PRKD3: variants seen among roughly 807,000 people sequenced by gnomAD.
PRKD3 encodes serine/threonine-protein kinase D3.
PRKD3 carries 47 observed loss-of-function variants against 99.2 expected under a neutral mutation model. The observed-to-expected ratio is 0.47, with a 90% CI of 0.38 to 0.60. PRKD3 has a LOEUF of 0.60. Ranked by LOEUF, PRKD3 falls within the 20% of genes least tolerant of loss-of-function variation. The pLI, the probability that PRKD3 is intolerant of heterozygous loss-of-function variation, is 0.00. For missense variants in PRKD3, 1,019 were observed against 1,088.4 expected (o/e 0.94, Z 0.90); for synonymous variants, 392 against 355.4 (o/e 1.10, Z -1.16).
chr2:37,274,937 G>T (rs911044596), intron 10 of PRKD3, among the ~76,000 whole-genome samples: 1 of 152,162 alleles, frequency 6.6e-6, no homozygotes, highest in African/African-American at 2.4e-5. Flanking sequence ...TCATTAGGAT[G>T]CAAGGAAGAA....
rs374382574 is a variant in PRKD3 at position 37,277,929 on chromosome 2, C to G, written c.1233G>C (p.Lys411Asn). ...MRVVQSIKHT[K>N]RKSSTMVKEG... ...CCTTCACCATTGTGCTGCTCTTCCT[C>G]TTTGTGTGCTTGATGGATTGTACAA... The change falls in exon 9 of 19, where the codon AAG becomes AAC. Residue 411 changes from lysine to asparagine, a missense_variant. Lys to Asn is a moderately conservative substitution (Grantham distance 94). This residue lies in a region of PRKD3 where 710 missense variants were observed against 692.7 expected (regional missense o/e 1.02). Transcript: ENST00000234179. 1.9e-6 allele frequency: 3 copies of G among 1,613,144 alleles called. No homozygotes were observed. Among genetic ancestry groups the G allele is most frequent in the Non-Finnish European group, 2.5e-6 (3 of 1,179,264 alleles).
chr2:37,290,375 G>A (rs954420145), intron 4 of PRKD3, among the ~76,000 whole-genome samples: 1 of 152,094 alleles, frequency 6.6e-6, no homozygotes, highest in African/African-American at 2.4e-5. Flanking sequence ...TGGGATTACA[G>A]GCATCCGCCA....
intron 14 of PRKD3, among the ~76,000 whole-genome samples, chr2:37,262,698 T>TA (rs1668558599): frequency 1.3e-5 from 2 of 152,158 alleles, no homozygotes; most frequent in Non-Finnish European, 2.9e-5. Context: ...TGCCCTCCTT[T>TA]AAAAACACGT....
intron 2 of PRKD3, among the ~76,000 whole-genome samples, chr2:37,304,962 A>G (rs1671093295): frequency 1.4e-5 from 2 of 143,326 alleles, no homozygotes; most frequent in African/African-American, 5.0e-5. Context: ...GAATTAAAAA[A>G]AAATTTCTTC....
At chr2:37,315,387 A>T (rs1258484464) in intron 2 of PRKD3, among the ~76,000 whole-genome samples, 2 of 152,190 alleles carry the variant, frequency 1.3e-5, no homozygotes, top group East Asian at 3.8e-4. Flanking sequence ...GTATATTCAA[A>T]ATTAATTTAC....
At chr2:37,278,034 A>G in intron 8 of PRKD3, 45 bp from the exon 9 acceptor site, 1 of 1,524,294 alleles carries the variant, frequency 6.6e-7, no homozygotes, top group East Asian at 2.4e-5. Flanking sequence ...ATTTTTAAAA[A>G]ATCATATAAA....
At chr2:37,282,818 T>C (rs1334632891) in intron 6 of PRKD3, among the ~76,000 whole-genome samples, 199 bp from the exon 7 acceptor site, 1 of 152,174 alleles carries the variant, frequency 6.6e-6, no homozygotes, top group Non-Finnish European at 1.5e-5. Flanking sequence ...GCTAATACCA[T>C]GTGTACAACA....
Position 37,262,631 on chromosome 2 carries a change from T to C in PRKD3, c.1885-2247A>G, listed in dbSNP as rs956247005. 2.5e-4 allele frequency among the ~76,000 whole-genome samples: 38 copies of C among 152,068 alleles called. 1 individual carries two copies. Among genetic ancestry groups the C allele is most frequent in the Admixed American group, 2.0e-4 (3 of 15,280 alleles). ...ATATTATAACTTTTATCAACAGAGGTTGAAATGTGACTGTTTTGCTAGGCC... is the reference window on the plus strand; with the variant it reads ...ATATTATAACTTTTATCAACAGAGGCTGAAATGTGACTGTTTTGCTAGGCC... On this transcript the variant is annotated intron_variant, in intron 14 of 18. Coordinates refer to ENST00000234179, the MANE Select transcript of PRKD3 (RefSeq NM_005813.6).
At chr2:37,308,988 C>A (rs931882045) in intron 2 of PRKD3, among the ~76,000 whole-genome samples, 17 of 151,884 alleles carry the variant, frequency 1.1e-4, no homozygotes, top group Admixed American at 6.6e-4. Flanking sequence ...AATTAATGCT[C>A]TTGACTATTT....
chr2:37,281,681 G>A (rs1323783926), intron 7 of PRKD3, among the ~76,000 whole-genome samples: 4 of 152,122 alleles, frequency 2.6e-5, no homozygotes, highest in South Asian at 2.1e-4. Flanking sequence ...CTAGCCTATG[G>A]TATTTTGTTA....
At chr2:37,311,871 A>C (rs1351572806) in intron 2 of PRKD3, among the ~76,000 whole-genome samples, 1 of 152,144 alleles carries the variant, frequency 6.6e-6, no homozygotes, top group Non-Finnish European at 1.5e-5. Context: ...GACCTGATTT[A>C]ATTGGTCTAG....
At chr2:37,261,898 C>A (rs752028398) in intron 14 of PRKD3, among the ~76,000 whole-genome samples, 2 of 152,180 alleles carry the variant, frequency 1.3e-5, no homozygotes, top group Non-Finnish European at 2.9e-5. Context: ...ATTTTGAATA[C>A]CTGCACAACC....
Position 37,316,480 on chromosome 2 carries a change from T to A in PRKD3, c.45A>T (p.Leu15Phe), listed in dbSNP as rs1671663670. 6.2e-7 allele frequency: 1 copy of A among 1,614,252 alleles called. No individual in the cohort carries two copies. The highest frequency in any genetic ancestry group is 8.5e-7 in the Non-Finnish European group (1 of 1,180,020). The change falls in exon 2 of 19, where the codon TTA becomes TTT. Residue 15 changes from leucine to phenylalanine, a missense_variant. Physicochemically the swap from Leu to Phe is conservative, Grantham distance 22 (BLOSUM62 0). Transcript: ENST00000234179. ...NSPPSAQKSV[L>F]PTAIPAVLPA... ...GAAGCACAGCAGGAATAGCTGTGGG[T>A]AATACAGACTTCTGGGCTGATGGAG...
chr2:37,251,133 G>C lies in PRKD3; in HGVS notation c.*2044C>G, dbSNP rs547845034. 3.9e-5 allele frequency: 6 copies of C among 152,608 alleles called. No homozygotes were observed. Among genetic ancestry groups the C allele is most frequent in the South Asian group, 4.1e-4 (2 of 4,824 alleles). 9.5% of individuals were successfully genotyped at this position (152,608 alleles called of 1,614,324 possible). On this transcript the variant is annotated 3_prime_UTR_variant, in exon 19 of 19. Transcript: ENST00000234179. ...AGAATTATTCCATTTTGTGTGTGTT[G>C]ATATAAACAGACTTTGGTGAAACTG... is the stretch of plus-strand genomic sequence containing the variant.
intron 2 of PRKD3, among the ~76,000 whole-genome samples, chr2:37,314,966 T>A (rs1461460977): frequency 6.8e-6 from 1 of 147,966 alleles, no homozygotes; most frequent in Non-Finnish European, 1.5e-5. Flanking sequence ...AAAGGCAGCA[T>A]AGGTCATTTT....
intron 3 of PRKD3, 56 bp downstream of exon 3, chr2:37,293,077 G>T: frequency 6.8e-7 from 1 of 1,468,090 alleles, no homozygotes; most frequent in Non-Finnish European, 9.2e-7. Flanking sequence ...ATTTAGTACA[G>T]AAAATTAGGC....
chr2:37,317,145 C>G lies in PRKD3; in HGVS notation c.-621G>C, dbSNP rs545819082. On this transcript the variant is annotated 5_prime_UTR_variant, in exon 2 of 19. Coordinates refer to ENST00000234179, the MANE Select transcript of PRKD3 (RefSeq NM_005813.6). ...TATTTCATTAGATGAATGGGTCCAT[C>G]GAGAAAAGCTGATGCTTTCTGACAT... The G allele has an allele frequency of 1.0e-6, 1 of 985,078 alleles. No homozygotes were observed. Among genetic ancestry groups the G allele is most frequent in the Non-Finnish European group, 1.2e-6 (1 of 829,736 alleles). 61.0% of individuals were successfully genotyped at this position (985,078 alleles called of 1,614,324 possible).
At chr2:37,319,968 G>C (rs746493447) in intron 1 of PRKD3, among the ~76,000 whole-genome samples, 13 of 152,152 alleles carry the variant, frequency 8.5e-5, no homozygotes, top group South Asian at 2.1e-4. Context: ...ATTGAGCTAC[G>C]GGGTACAAAC....
intron 2 of PRKD3, among the ~76,000 whole-genome samples, chr2:37,299,091 G>A (rs1572685765): frequency 1.3e-5 from 2 of 152,204 alleles, no homozygotes; most frequent in Admixed American, 1.3e-4. Context: ...CTTGAGGTAT[G>A]TTCCTTCTAT....
Sources: gnomAD v4.1 joint callset for allele counts (sites outside exome capture counted in the v4.1 genomes callset) on GRCh38, gnomAD v4.1.1 for gene constraint, gnomAD v4.1.1 regional missense constraint, MANE v1.5 for transcripts, NCBI Gene and HGNC (gene_info 2026-07-23, HGNC 2026-07-21) for gene names.